Variants in C17orf67 observed in about 807,000 individuals in gnomAD.
The protein encoded by C17orf67 is chromosome 17 open reading frame 67, also known as uncharacterized protein C17orf67.
In C17orf67, 12 loss-of-function variants were observed where a neutral mutation model predicts 11.2. The ratio of observed to expected loss-of-function variants is 1.07; its 90% CI spans 0.68 to 1.73. The LOEUF (loss-of-function observed/expected upper bound fraction) is 1.73. Ranked by LOEUF, C17orf67 falls within the 40% of genes most tolerant of loss-of-function variation. C17orf67 has a pLI of 0.00. For synonymous variants in C17orf67, 59 were observed against 46.9 expected, an observed-to-expected ratio of 1.26 and a Z score of -1.05; for missense variants, 115 against 113.5, an observed-to-expected ratio of 1.01 and a Z score of -0.06.
Position 56,815,918 on chromosome 17 carries a change from G to T in C17orf67, c.-108C>A. 6.3e-7 allele frequency: 1 copy of T among 1,580,946 alleles called. No homozygotes were observed. The highest frequency in any genetic ancestry group is 1.1e-5 in the South Asian group (1 of 89,300). ...GCGCTTGTTTATGCTTTGACTAACG[G>T]GACTTACGGTATGATGCTGAATGTA... On this transcript the variant is annotated 5_prime_UTR_variant, in exon 5 of 8. Coordinates refer to ENST00000397861, the MANE Select transcript of C17orf67 (RefSeq NM_001085430.4).
intron 4 of C17orf67, among the ~76,000 whole-genome samples, chr17:56,819,669 C>A (rs549429025): frequency 8.5e-5 from 13 of 152,094 alleles, no homozygotes; most frequent in Non-Finnish European, 1.8e-4. Flanking sequence ...CTAAAAGAAG[C>A]GAGAGGGGGA....
intron 6 of C17orf67, among the ~76,000 whole-genome samples, chr17:56,811,805 G>A (rs1318592776): frequency 2.0e-5 from 3 of 152,248 alleles, no homozygotes; most frequent in Non-Finnish European, 4.4e-5. Context: ...AAACAACTAA[G>A]ATACTCTCCA....
Position 56,792,253 on chromosome 17 carries a change from G to A in C17orf67, c.*120C>T, listed in dbSNP as rs760586755. The A allele has an allele frequency of 8.5e-5, 13 of 152,238 alleles. No individual in the cohort carries two copies. Among genetic ancestry groups the A allele is most frequent in the South Asian group, 4.1e-4 (2 of 4,832 alleles). 9.4% of individuals were successfully genotyped at this position (152,238 alleles called of 1,614,324 possible). A position where few individuals can be genotyped will look rare whatever the true frequency, so the allele number is the denominator to read the frequency against. ...AATCTTTGATATGCCCACAGTTCACGAGGTCTGAAGACATCCATTTCTGCA... is the reference window on the plus strand; with the variant it reads ...AATCTTTGATATGCCCACAGTTCACAAGGTCTGAAGACATCCATTTCTGCA... On this transcript the variant is annotated 3_prime_UTR_variant, in exon 8 of 8. Coordinates refer to ENST00000397861, the MANE Select transcript of C17orf67 (RefSeq NM_001085430.4).
At chr17:56,829,668 C>T (rs1906140076) in intron 2 of C17orf67, among the ~76,000 whole-genome samples, 1 of 152,200 alleles carries the variant, frequency 6.6e-6, no homozygotes, top group Admixed American at 6.5e-5. Flanking sequence ...CCACCTTCCC[C>T]TTCTGACACT....
rs1167248128 is a variant in C17orf67 at position 56,833,287 on chromosome 17, C to A, written c.-946G>T. ...CAGCCCGCGTGGTCGCGGCTCAGGT[C>A]CGTGTTGGGCTGGTAGGACTCCAGC... On this transcript the variant is annotated 5_prime_UTR_variant, in exon 2 of 8. Coordinates refer to ENST00000397861, the MANE Select transcript of C17orf67 (RefSeq NM_001085430.4). 1.9e-5 allele frequency: 3 copies of A among 154,778 alleles called. No individual in the cohort carries two copies. The highest frequency in any genetic ancestry group is 1.7e-4 in the South Asian group (1 of 5,736). The allele number at this position is 154,778 out of a possible 1,614,324, so 9.6% of individuals were successfully genotyped here.
intron 6 of C17orf67, among the ~76,000 whole-genome samples, chr17:56,799,483 G>A (rs1282739329): frequency 1.3e-5 from 2 of 152,142 alleles, no homozygotes; most frequent in African/African-American, 2.4e-5. Context: ...CATTCACCTG[G>A]ACATCTTGGT....
At chr17:56,794,860 G>T (rs1025499898) in intron 7 of C17orf67, among the ~76,000 whole-genome samples, 184 bp downstream of exon 7, 11 of 151,410 alleles carry the variant, frequency 7.3e-5, no homozygotes, top group Admixed American at 7.2e-4. Context: ...TTGTCCCCCA[G>T]TGCTCCTCTC....
chr17:56,811,637 C>T (rs564465145), intron 6 of C17orf67, among the ~76,000 whole-genome samples: 12 of 144,656 alleles, frequency 8.3e-5, no homozygotes, highest in Middle Eastern at 3.9e-3. Flanking sequence ...TCTGGCTCCA[C>T]CTCCACACAA....
chr17:56,830,246 G>A (rs1159647686), intron 2 of C17orf67, among the ~76,000 whole-genome samples: 4 of 152,176 alleles, frequency 2.6e-5, no homozygotes, highest in African/African-American at 7.2e-5. Context: ...TCGGGAGGCT[G>A]AGGCAAGAGA....
At chr17:56,816,259 G>A (rs1275502652) in intron 4 of C17orf67, among the ~76,000 whole-genome samples, 1 of 152,156 alleles carries the variant, frequency 6.6e-6, no homozygotes, top group East Asian at 1.9e-4. Context: ...TAATCTCAGA[G>A]GTAGGCAGGG....
intron 2 of C17orf67, 22 bp downstream of exon 2, chr17:56,832,876 T>G (rs1906262413): frequency 6.6e-6 from 1 of 152,250 alleles, no homozygotes; most frequent in African/African-American, 2.4e-5. Flanking sequence ...GCACACATAA[T>G]AATATATACA....
intron 6 of C17orf67, among the ~76,000 whole-genome samples, chr17:56,806,798 T>C (rs1015089902): frequency 4.6e-5 from 7 of 152,188 alleles, no homozygotes; most frequent in Admixed American, 2.0e-4. Flanking sequence ...GACTGCTCCA[T>C]TGACAGCAAG....
chr17:56,813,133 GC>G (rs1433199384), intron 6 of C17orf67, among the ~76,000 whole-genome samples: 1 of 152,052 alleles, frequency 6.6e-6, no homozygotes, highest in Non-Finnish European at 1.5e-5. Context: ...CCCAGCCCCT[GC>G]CGGGTCCCTG....
In C17orf67 at chr17:56,815,933, T is replaced by C. The variant is rs1470644925; in HGVS notation, c.-123A>G. On this transcript the variant is annotated 5_prime_UTR_variant, in exon 5 of 8. Coordinates refer to ENST00000397861, the MANE Select transcript of C17orf67 (RefSeq NM_001085430.4). ...TTGACTAACGGGACTTACGGTATGATGCTGAATGTATCTGACTCTGAGCGT... is the reference window on the plus strand; with the variant it reads ...TTGACTAACGGGACTTACGGTATGACGCTGAATGTATCTGACTCTGAGCGT... 3.9e-6 allele frequency: 6 copies of C among 1,545,226 alleles called. No individual in the cohort carries two copies. Among genetic ancestry groups the C allele is most frequent in the Admixed American group, 3.4e-5 (2 of 58,840 alleles).
intron 2 of C17orf67, among the ~76,000 whole-genome samples, chr17:56,828,853 CAAAAAA>C (rs11346468): frequency 1.6e-5 from 2 of 123,078 alleles, no homozygotes; most frequent in Admixed American, 8.1e-5. Context: ...ACAGTGATGA[CAAAAAA>C]AAAAAAAAAA....
chr17:56,809,611 A>G, intron 6 of C17orf67, among the ~76,000 whole-genome samples: 1 of 115,652 alleles, frequency 8.6e-6, no homozygotes, highest in Non-Finnish European at 1.8e-5. Flanking sequence ...CACAACCCTC[A>G]CGCGCACACA....
intron 4 of C17orf67, among the ~76,000 whole-genome samples, chr17:56,821,313 T>A (rs946259963): frequency 6.6e-6 from 1 of 152,234 alleles, no homozygotes; most frequent in South Asian, 2.1e-4. Flanking sequence ...TTTGCTTTCA[T>A]CTTTTTTACT....
intron 4 of C17orf67, among the ~76,000 whole-genome samples, chr17:56,816,974 C>T (rs554674864): frequency 1.3e-5 from 2 of 152,214 alleles, no homozygotes; most frequent in South Asian, 2.1e-4. Flanking sequence ...CTCAGCCTCC[C>T]GAGTAGCTGG....
chr17:56,820,557 G>A (rs944348076), intron 4 of C17orf67, among the ~76,000 whole-genome samples: 23 of 152,266 alleles, frequency 1.5e-4, no homozygotes, highest in African/African-American at 5.1e-4. Flanking sequence ...GACATGGAAA[G>A]AACATGCAAA....
Sources: gnomAD v4.1 joint callset for allele counts (sites outside exome capture counted in the v4.1 genomes callset) on GRCh38, gnomAD v4.1.1 for gene constraint, MANE v1.5 for transcripts, NCBI Gene and HGNC (gene_info 2026-07-23, HGNC 2026-07-21) for gene names.